Variants in AGAP1 observed in about 807,000 individuals in gnomAD.
AGAP1 encodes the protein arf-GAP with GTPase, ANK repeat and PH domain-containing protein 1.
AGAP1 carries 29 observed loss-of-function variants against 105.3 expected under a neutral mutation model. The ratio of observed to expected loss-of-function variants is 0.28; its 90% CI spans 0.21 to 0.38. The LOEUF is 0.38. AGAP1 is among the 10% of genes least tolerant of loss of function. AGAP1 has a pLI of 1.00. For synonymous variants in AGAP1, 509 were observed against 485.9 expected (o/e 1.05, Z -0.63); for missense variants, 998 against 1,165.1 (o/e 0.86, Z 2.09).
chr2:235,884,951 A>G (rs78399601), intron 10 of AGAP1, among the ~76,000 whole-genome samples: 4,376 of 152,152 alleles, frequency 0.029, 187 homozygotes, highest in African/African-American at 0.1. Flanking sequence ...GGCCTCAAGC[A>G]ATCTGCCTAA....
rs1471120821 is a variant in AGAP1, at chr2:235,962,129, G to C, written c.1484-6333G>C. Among the ~76,000 whole-genome samples, 1 of 151,648 alleles carries C rather than the reference G, an allele frequency of 6.6e-6. No homozygotes were observed. Among genetic ancestry groups the C allele is most frequent in the Non-Finnish European group, 1.5e-5 (1 of 68,012 alleles). On this transcript the variant is annotated intron_variant, in intron 12 of 17. Coordinates refer to ENST00000304032, the MANE Select transcript of AGAP1 (RefSeq NM_001037131.3). This position sits in a 1 kb window ranked among gnomAD's most constrained non-coding sequence, Gnocchi z 5.3. ...GGTCATCGTGAGGATGGTGTGGGGCGTGGGGTGTTTGAAGCGGGAGGAGAA... is the reference window on the plus strand; with the variant it reads ...GGTCATCGTGAGGATGGTGTGGGGCCTGGGGTGTTTGAAGCGGGAGGAGAA...
rs115567612 is a variant in AGAP1 at position 235,541,979 on chromosome 2, T to A, written c.163+47130T>A. Among the ~76,000 whole-genome samples, 881 of 152,290 alleles carry A rather than the reference T, an allele frequency of 5.8e-3. 7 individuals carry two copies. The highest frequency in any genetic ancestry group is 0.02 in the African/African-American group (822 of 41,560). On this transcript the variant is annotated intron_variant, in intron 1 of 17. Coordinates refer to ENST00000304032, the MANE Select transcript of AGAP1 (RefSeq NM_001037131.3). ...GACCTCCATTGGTTCTTCTAACGGC[T>A]GCATTATTTATTTTTTTCTGCCCAC...
At chr2:235,926,750 C>T (rs2052467747) in intron 11 of AGAP1, among the ~76,000 whole-genome samples, 1 of 152,154 alleles carries the variant, frequency 6.6e-6, no homozygotes, top group Non-Finnish European at 1.5e-5. Context: ...TTGGAAGGTC[C>T]TGACCAGAGG....
chr2:236,074,384 T>C (rs1007751227), intron 16 of AGAP1, among the ~76,000 whole-genome samples: 3 of 152,176 alleles, frequency 2.0e-5, no homozygotes, highest in Non-Finnish European at 2.9e-5. Flanking sequence ...GATCAGCATA[T>C]AAAGATACTG....
intron 1 of AGAP1, among the ~76,000 whole-genome samples, chr2:235,704,990 TTTTTTTGC>T (rs1950465190): frequency 9.2e-6 from 1 of 109,028 alleles, no homozygotes; most frequent in African/African-American, 3.8e-5. Context: ...TTTTTTTTTT[TTTTTTTGC>T]GACAGAGTCT....
intron 1 of AGAP1, among the ~76,000 whole-genome samples, chr2:235,532,071 A>AAAT (rs1478515899): frequency 2.0e-5 from 3 of 152,238 alleles, no homozygotes; most frequent in African/African-American, 7.2e-5. Flanking sequence ...ATTTTGCAGG[A>AAAT]AATAGTTTAA....
At chr2:236,064,117 C>T (rs565992505) in intron 16 of AGAP1, among the ~76,000 whole-genome samples, 207 of 152,312 alleles carry the variant, frequency 1.4e-3, no homozygotes, top group African/African-American at 4.8e-3. Flanking sequence ...GACACCCAGA[C>T]AGGAAAAGTG....
chr2:235,511,149 C>T (rs1201739834), intron 1 of AGAP1, among the ~76,000 whole-genome samples: 2 of 152,112 alleles, frequency 1.3e-5, no homozygotes, highest in African/African-American at 4.8e-5. Context: ...CCCAAGATCC[C>T]GCAATGCCTG....
Position 235,908,683 on chromosome 2 carries a change from G to A in AGAP1, c.1156-55G>A. On this transcript the variant is annotated intron_variant, in intron 10 of 17. Transcript: ENST00000304032. The surrounding 1 kb of genome is among the most constrained non-coding windows in gnomAD (Gnocchi z 4.4). The stretch of plus-strand genomic sequence containing the variant: ...CTGATAGACCCTTTTGTTCTAGGTT[G>A]TAAAAGGTCTTTTTTTTTTTTTTAT... 1 of 1,461,398 alleles carries A rather than the reference G, an allele frequency of 6.8e-7. No homozygotes were observed. Among genetic ancestry groups the A allele is most frequent in the East Asian group, 2.3e-5 (1 of 43,034 alleles). The allele number at this position is 1,461,398 out of a possible 1,614,324, so 90.5% of individuals were successfully genotyped here. A position where few individuals can be genotyped will look rare whatever the true frequency, so the allele number is the denominator to read the frequency against.
At chr2:235,545,661 A>G (rs187865047) in intron 1 of AGAP1, among the ~76,000 whole-genome samples, 1 of 152,258 alleles carries the variant, frequency 6.6e-6, no homozygotes, top group East Asian at 1.9e-4. Flanking sequence ...TGCCTCTGGA[A>G]ATCAACACGT....
chr2:235,798,507 G>A (rs577735611), intron 7 of AGAP1, among the ~76,000 whole-genome samples: 8 of 152,042 alleles, frequency 5.3e-5, no homozygotes, highest in African/African-American at 1.7e-4. Context: ...GAAGGGTTCG[G>A]TGTCGTACTT....
chr2:235,568,691 C>T lies in AGAP1; in HGVS notation c.163+73842C>T, dbSNP rs141481696. ...ATACTTAGTGGTGAAAAACAGCACA[C>T]GTCATTCTCTTTGAGGTCAGAAGTC... On this transcript the variant is annotated intron_variant, in intron 1 of 17. Transcript: ENST00000304032. Among the ~76,000 whole-genome samples, 23 of 152,330 alleles carry T rather than the reference C, an allele frequency of 1.5e-4. No homozygotes were observed. The East Asian group carries it at 3.9e-3, about 26-fold the overall frequency.
chr2:235,825,430 C>T (rs1481581572), intron 9 of AGAP1, among the ~76,000 whole-genome samples: 2 of 151,962 alleles, frequency 1.3e-5, no homozygotes, highest in African/African-American at 4.8e-5. Context: ...TTTTTGAAAA[C>T]TATTATTATT....
At position 235,574,401 on chromosome 2, in the gene AGAP1, G is replaced by A. The variant is rs1944668591; in HGVS notation, c.163+79552G>A. On this transcript the variant is annotated intron_variant, in intron 1 of 17. Transcript: ENST00000304032. The surrounding 1 kb of genome is among the most constrained non-coding windows in gnomAD (Gnocchi z 5.0). Reference sequence around the variant, plus strand: ...TTCTTCTTTGCTAAATGCATAAACTGTATAACGAAATGTAATTAGTGAAGG... The same window carrying A: ...TTCTTCTTTGCTAAATGCATAAACTATATAACGAAATGTAATTAGTGAAGG... Among the ~76,000 whole-genome samples the A allele has an allele frequency of 6.6e-6, 1 of 152,226 alleles. No individual in the cohort carries two copies. The highest frequency in any genetic ancestry group is 2.4e-5 in the African/African-American group (1 of 41,456).
rs149902173 is a variant in AGAP1 at position 236,049,237 on chromosome 2, A to G, written c.2070A>G (p.Glu690=). 5.6e-6 allele frequency: 9 copies of G among 1,614,098 alleles called. No homozygotes were observed. The African/African-American group carries it at 9.3e-5, about 17-fold the overall frequency. The part of the protein sequence containing the change: ...IGNELANSVW[E]ESSQGRTKPS... ...ACGAGCTAGCCAACAGCGTCTGGGAAGAGAGCAGCCAGGGGCGGACGAAAC... is the reference window on the plus strand; with the variant it reads ...ACGAGCTAGCCAACAGCGTCTGGGAGGAGAGCAGCCAGGGGCGGACGAAAC... Residue 690 remains glutamate, a synonymous_variant, in exon 16 of 18, where the codon GAA becomes GAG. Coordinates refer to ENST00000304032, the MANE Select transcript of AGAP1 (RefSeq NM_001037131.3).
At position 235,555,801 on chromosome 2, in the gene AGAP1, A is replaced by G. The variant is rs913270630; in HGVS notation, c.163+60952A>G. Among the ~76,000 whole-genome samples the G allele has an allele frequency of 2.0e-5, 3 of 152,146 alleles. No individual in the cohort carries two copies. The highest frequency in any genetic ancestry group is 7.2e-5 in the African/African-American group (3 of 41,430). ...GGGTCATCACTCATTTCTGAGTTACAGAAGTTAAATAGTGACTTGGTTCGG... is the reference window on the plus strand; with the variant it reads ...GGGTCATCACTCATTTCTGAGTTACGGAAGTTAAATAGTGACTTGGTTCGG... On this transcript the variant is annotated intron_variant, in intron 1 of 17. Coordinates refer to ENST00000304032, the MANE Select transcript of AGAP1 (RefSeq NM_001037131.3). The surrounding 1 kb of genome is among the most constrained non-coding windows in gnomAD (Gnocchi z 5.1).
At chr2:235,771,913 A>G (rs529587722) in intron 6 of AGAP1, among the ~76,000 whole-genome samples, 5 of 151,836 alleles carry the variant, frequency 3.3e-5, no homozygotes, top group South Asian at 4.2e-4. Flanking sequence ...ATGGAATTAC[A>G]TAACTGTTCT....
chr2:235,831,566 T>C (rs921310112), intron 9 of AGAP1, among the ~76,000 whole-genome samples: 1 of 152,198 alleles, frequency 6.6e-6, no homozygotes, highest in African/African-American at 2.4e-5. Flanking sequence ...ATGATAGAGG[T>C]GTAACCTTTT....
At chr2:235,910,650 G>A (rs1475495066) in intron 11 of AGAP1, among the ~76,000 whole-genome samples, 3 of 152,188 alleles carry the variant, frequency 2.0e-5, no homozygotes, top group Admixed American at 1.3e-4. Context: ...AGGTGCAGTG[G>A]CTCACGCCTG....
Sources: gnomAD v4.1 joint callset for allele counts (sites outside exome capture counted in the v4.1 genomes callset) on GRCh38, gnomAD v4.1.1 for gene constraint, Gnocchi (gnomAD v3.1) non-coding constraint, MANE v1.5 for transcripts, NCBI Gene and HGNC (gene_info 2026-07-23, HGNC 2026-07-21) for gene names.